CTNNBIP1: variants seen among roughly 807,000 people sequenced by gnomAD.
CTNNBIP1 encodes catenin beta interacting protein 1, also known as beta-catenin-interacting protein 1.
In CTNNBIP1, 7 loss-of-function variants were observed where a neutral mutation model predicts 11.8. The observed-to-expected ratio is 0.60, with a 90% CI of 0.34 to 1.12. CTNNBIP1 has a LOEUF of 1.12. Among genes scored for constraint, CTNNBIP1 ranks in the 50% most tolerant of loss-of-function variants. CTNNBIP1 has a pLI of 0.03. For synonymous variants in CTNNBIP1, 58 were observed against 43.9 expected, an observed-to-expected ratio of 1.32 and a Z score of -1.26; for missense variants, 101 against 113.4, an observed-to-expected ratio of 0.89 and a Z score of 0.50.
chr1:9,871,910 G>A lies in CTNNBIP1; in HGVS notation c.96+59C>T. The A allele has an allele frequency of 6.9e-7, 1 of 1,457,102 alleles. No homozygotes were observed. Among genetic ancestry groups the A allele is most frequent in the Non-Finnish European group, 9.6e-7 (1 of 1,038,762 alleles). 90.3% of individuals were successfully genotyped at this position (1,457,102 alleles called of 1,614,324 possible). A position where few individuals can be genotyped will look rare whatever the true frequency, so the allele number is the denominator to read the frequency against. On this transcript the variant is annotated intron_variant, in intron 4 of 5. Transcript: ENST00000377263. This position sits in a 1 kb window ranked among gnomAD's most constrained non-coding sequence, Gnocchi z 5.2. ...CTCCACCCTCCAATAGCCCAGCAGG[G>A]CCCCTCCCTGGGAGACCCTCCCTGG...
intron 1 of CTNNBIP1, among the ~76,000 whole-genome samples, chr1:9,887,550 A>C (rs1006918676): frequency 1.3e-5 from 2 of 152,082 alleles, no homozygotes; most frequent in Non-Finnish European, 2.9e-5. Context: ...TAAAATTACA[A>C]AAATTAGCTG....
chr1:9,860,260 A>G (rs1008676288), intron 5 of CTNNBIP1, among the ~76,000 whole-genome samples: 7 of 152,058 alleles, frequency 4.6e-5, no homozygotes, highest in African/African-American at 1.7e-4. Context: ...GGGGAACTTC[A>G]GTCACAGATG....
chr1:9,894,367 GT>G (rs994132365), intron 1 of CTNNBIP1, among the ~76,000 whole-genome samples: 1 of 152,150 alleles, frequency 6.6e-6, no homozygotes. Context: ...GTTTGGTTTT[GT>G]TTTTTGAAAC....
rs940828183 is a variant in CTNNBIP1, at chr1:9,849,469, A to G, written c.*1249T>C. ...GGCCGGGACCTACTGTGCTGGCAGC[A>G]GACAGGTAGGAGCCTGGCTGGGGTA... On this transcript the variant is annotated 3_prime_UTR_variant, in exon 6 of 6. Transcript: ENST00000377263. The G allele has an allele frequency of 5.9e-5, 9 of 152,452 alleles. No homozygotes were observed. Among genetic ancestry groups the G allele is most frequent in the Admixed American group, 5.2e-4 (8 of 15,310 alleles). 9.4% of individuals were successfully genotyped at this position (152,452 alleles called of 1,614,324 possible). A position where few individuals can be genotyped will look rare whatever the true frequency, so the allele number is the denominator to read the frequency against.
At position 9,872,943 on chromosome 1, in the gene CTNNBIP1, T is replaced by C. The variant is rs1439666022; in HGVS notation, c.-24-855A>G. ...CGCAGCAGCTGCTGGGGTGGAGCCT[T>C]ATCAGCCCTGGTGCCAAGGAACTGC... On this transcript the variant is annotated intron_variant, in intron 3 of 5. Coordinates refer to ENST00000377263, the MANE Select transcript of CTNNBIP1 (RefSeq NM_020248.3). This position sits in a 1 kb window ranked among gnomAD's most constrained non-coding sequence, Gnocchi z 4.0. Among the ~76,000 whole-genome samples the C allele has an allele frequency of 6.6e-6, 1 of 152,006 alleles. No homozygotes were observed. The highest frequency in any genetic ancestry group is 2.4e-5 in the African/African-American group (1 of 41,352).
chr1:9,890,082 C>G (rs946276), intron 1 of CTNNBIP1, among the ~76,000 whole-genome samples: 4 of 152,180 alleles, frequency 2.6e-5, no homozygotes, highest in Admixed American at 2.0e-4. Context: ...CATGAGGCAT[C>G]TGTTTACATC....
intron 1 of CTNNBIP1, among the ~76,000 whole-genome samples, chr1:9,905,677 G>A (rs1449855246): frequency 3.3e-5 from 5 of 150,656 alleles, no homozygotes; most frequent in African/African-American, 4.9e-5. Context: ...TGATCCACCC[G>A]CCTCGGCCTC....
chr1:9,880,834 G>C (rs534783005), intron 2 of CTNNBIP1, among the ~76,000 whole-genome samples: 1 of 152,252 alleles, frequency 6.6e-6, no homozygotes, highest in South Asian at 2.1e-4. Flanking sequence ...GTTGTGCACC[G>C]TGAGGCCAGT....
chr1:9,893,621 A>G (rs543995838), intron 1 of CTNNBIP1, among the ~76,000 whole-genome samples: 7 of 152,242 alleles, frequency 4.6e-5, no homozygotes, highest in Non-Finnish European at 1.0e-4. Flanking sequence ...GCTTATCTCA[A>G]GGGTCACTGG....
chr1:9,904,827 G>A (rs927617192), intron 1 of CTNNBIP1, among the ~76,000 whole-genome samples: 8 of 152,172 alleles, frequency 5.3e-5, no homozygotes, highest in Non-Finnish European at 7.3e-5. Flanking sequence ...ACGACAAGCT[G>A]CTAAGCACTG....
chr1:9,869,527 G>A (rs750242529), intron 5 of CTNNBIP1, among the ~76,000 whole-genome samples: 12 of 152,094 alleles, frequency 7.9e-5, no homozygotes, highest in East Asian at 3.9e-4. Context: ...GTTTCGCCAC[G>A]TTGGTCAGGC....
rs1178403982 is a variant in CTNNBIP1 at position 9,883,088 on chromosome 1, C to T, written c.-110+617G>A. Among the ~76,000 whole-genome samples, 1 of 151,990 alleles carries T rather than the reference C, an allele frequency of 6.6e-6. No homozygotes were observed. Among genetic ancestry groups the T allele is most frequent in the African/African-American group, 2.4e-5 (1 of 41,362 alleles). ...CACGCAGAGCCAGAGCAGTCAGGAA[C>T]AGCGGGTGCCTGGGTGGCAGCAGCG... On this transcript the variant is annotated intron_variant, in intron 2 of 5. Coordinates refer to ENST00000377263, the MANE Select transcript of CTNNBIP1 (RefSeq NM_020248.3). The surrounding 1 kb of genome is among the most constrained non-coding windows in gnomAD (Gnocchi z 5.6).
At chr1:9,885,907 G>C (rs1639179314) in intron 1 of CTNNBIP1, among the ~76,000 whole-genome samples, 1 of 151,284 alleles carries the variant, frequency 6.6e-6, no homozygotes, top group African/African-American at 2.4e-5. Flanking sequence ...ACTCCAGCCT[G>C]GGCAACAAGA....
chr1:9,874,472 T>C (rs1638924834), intron 3 of CTNNBIP1, among the ~76,000 whole-genome samples: 2 of 152,216 alleles, frequency 1.3e-5, no homozygotes, highest in African/African-American at 4.8e-5. Context: ...CAGGTTGGTC[T>C]CAAATTCCTG....
chr1:9,882,953 G>A (rs553335414), intron 2 of CTNNBIP1, among the ~76,000 whole-genome samples: 1 of 152,326 alleles, frequency 6.6e-6, no homozygotes, highest in East Asian at 1.9e-4. Context: ...GGAAACATCA[G>A]GGGCACTTCT....
intron 5 of CTNNBIP1, among the ~76,000 whole-genome samples, chr1:9,860,316 T>A (rs1638595239): frequency 6.7e-6 from 1 of 148,314 alleles, no homozygotes; most frequent in Admixed American, 6.8e-5. Flanking sequence ...CTAGGCCGGG[T>A]GTGGTGGCTC....
chr1:9,886,755 G>A (rs1023230228), intron 1 of CTNNBIP1, among the ~76,000 whole-genome samples: 1 of 152,186 alleles, frequency 6.6e-6, no homozygotes, highest in African/African-American at 2.4e-5. Flanking sequence ...ACGGGGGGCA[G>A]AGGCCTGCCG....
chr1:9,909,966 T>C (rs1200423759), intron 1 of CTNNBIP1, 129 bp downstream of exon 1: 1 of 151,032 alleles, frequency 6.6e-6, no homozygotes, highest in Non-Finnish European at 1.5e-5. Flanking sequence ...CAGTCAGGGG[T>C]CCGAGCGGGG....
chr1:9,897,793 G>A (rs1206643095), intron 1 of CTNNBIP1, among the ~76,000 whole-genome samples: 8 of 152,002 alleles, frequency 5.3e-5, no homozygotes, highest in African/African-American at 1.9e-4. Context: ...CAGCCTGTGT[G>A]AAGAGTGAGA....
Sources: gnomAD v4.1 joint callset for allele counts (sites outside exome capture counted in the v4.1 genomes callset) on GRCh38, gnomAD v4.1.1 for gene constraint, Gnocchi (gnomAD v3.1) non-coding constraint, MANE v1.5 for transcripts, NCBI Gene and HGNC (gene_info 2026-07-23, HGNC 2026-07-21) for gene names.